Variants in PDE4D observed in about 807,000 individuals in gnomAD.
PDE4D encodes the protein phosphodiesterase 4D.
A neutral mutation model predicts 87.4 loss-of-function variants in PDE4D; 24 were observed. That is an observed-to-expected ratio of 0.27 (90% CI 0.20 to 0.39). The LOEUF (loss-of-function observed/expected upper bound fraction) is 0.39, where lower values mean the gene tolerates loss of function less well. PDE4D is among the 10% of genes least tolerant of loss of function. The pLI is 1.00. For synonymous variants in PDE4D, 384 were observed against 383.2 expected, an observed-to-expected ratio of 1.00 and a Z score of -0.02; for missense variants, 714 against 1,041.0, an observed-to-expected ratio of 0.69 and a Z score of 4.32.
chr5:59,654,196 C>T (rs1743992454), intron 1 of PDE4D, among the ~76,000 whole-genome samples: 1 of 150,780 alleles, frequency 6.6e-6, no homozygotes, highest in Admixed American at 6.6e-5. Flanking sequence ...CAGAGCCAGA[C>T]CAAGTCTCAA....
intron 1 of PDE4D, among the ~76,000 whole-genome samples, chr5:59,421,908 C>G (rs1382451867): frequency 6.6e-6 from 1 of 151,914 alleles, no homozygotes; most frequent in Non-Finnish European, 1.5e-5. Flanking sequence ...TATTATGTAC[C>G]AGGACCCAGA....
intron 1 of PDE4D, among the ~76,000 whole-genome samples, chr5:60,327,304 A>G (rs1329675760): frequency 2.6e-5 from 4 of 152,226 alleles, no homozygotes; most frequent in African/African-American, 4.8e-5. Flanking sequence ...AGGAAGATCA[A>G]TAAGAATATT....
rs116352278 is a variant in PDE4D at position 59,530,730 on chromosome 5, A to C, written c.456-314762T>G. 5.4e-3 allele frequency among the ~76,000 whole-genome samples: 817 copies of C among 152,250 alleles called. 9 individuals are homozygous for C. Among genetic ancestry groups the C allele is most frequent in the African/African-American group, 0.018 (753 of 41,558 alleles). On this transcript the variant is annotated intron_variant, in intron 1 of 14. Coordinates refer to ENST00000340635, the MANE Select transcript of PDE4D (RefSeq NM_001104631.2). ...TGATGGTGAATTTCACATAGAATTA[A>C]CTCTCATTTTGTTTTTATTTATTTA...
chr5:59,919,716 G>A (rs1000663441), intron 3 of PDE4D, among the ~76,000 whole-genome samples: 4 of 151,834 alleles, frequency 2.6e-5, no homozygotes, highest in African/African-American at 4.8e-5. Context: ...ATTTTTCTTC[G>A]GCCCTCAGGT....
At chr5:59,036,722 C>T (rs1026898460) in intron 6 of PDE4D, among the ~76,000 whole-genome samples, 2 of 152,036 alleles carry the variant, frequency 1.3e-5, no homozygotes, top group Non-Finnish European at 2.9e-5. Context: ...AAAGAAGACA[C>T]GAATGGCTTG....
At chr5:59,402,465 C>T (rs1487378598) in intron 1 of PDE4D, among the ~76,000 whole-genome samples, 1 of 152,126 alleles carries the variant, frequency 6.6e-6, no homozygotes, top group Non-Finnish European at 1.5e-5. Flanking sequence ...TCAGGGGTAG[C>T]CAGTCACACT....
chr5:59,437,024 C>T (rs12518641), intron 1 of PDE4D, among the ~76,000 whole-genome samples: 53,926 of 151,964 alleles, frequency 0.35, 10,196 homozygotes, highest in African/African-American at 0.47. Flanking sequence ...GGAAATTATG[C>T]TGGTTTCAAT....
chr5:59,709,531 A>C (rs1753908971), intron 1 of PDE4D, among the ~76,000 whole-genome samples: 1 of 152,196 alleles, frequency 6.6e-6, no homozygotes, highest in South Asian at 2.1e-4. Context: ...AGCAAGAAAC[A>C]GAAGTTACAG....
chr5:59,755,693 C>T (rs1477950112), intron 1 of PDE4D, among the ~76,000 whole-genome samples: 4 of 151,862 alleles, frequency 2.6e-5, no homozygotes, highest in Non-Finnish European at 5.9e-5. Flanking sequence ...TAAAAAAAAT[C>T]ACACTGCACA....
At chr5:59,451,378 A>T (rs886526325) in intron 1 of PDE4D, among the ~76,000 whole-genome samples, 1 of 152,100 alleles carries the variant, frequency 6.6e-6, no homozygotes, top group African/African-American at 2.4e-5. Context: ...TTCTATGACC[A>T]TCTGTAGATG....
At chr5:58,987,982 T>A (rs1465845322) in intron 11 of PDE4D, among the ~76,000 whole-genome samples, 2 of 152,144 alleles carry the variant, frequency 1.3e-5, no homozygotes, top group Non-Finnish European at 2.9e-5. Flanking sequence ...TAAGGTGAGA[T>A]GTTAACAGTG....
intron 1 of PDE4D, among the ~76,000 whole-genome samples, chr5:60,275,247 A>G (rs1007833795): frequency 5.9e-5 from 9 of 152,186 alleles, no homozygotes; most frequent in Admixed American, 2.0e-4. Flanking sequence ...AACCACTGGT[A>G]AAAATATTTT....
intron 5 of PDE4D, among the ~76,000 whole-genome samples, chr5:59,062,311 A>G (rs569983336): frequency 6.6e-6 from 1 of 152,216 alleles, no homozygotes; most frequent in African/African-American, 2.4e-5. Flanking sequence ...TCTCCCATAC[A>G]TTGGCATATT....
chr5:59,801,090 C>T (rs1767073998), intron 1 of PDE4D, among the ~76,000 whole-genome samples: 1 of 152,118 alleles, frequency 6.6e-6, no homozygotes, highest in Non-Finnish European at 1.5e-5. Context: ...TATCCTGCCC[C>T]TATACACGCA....
chr5:58,998,204 C>T (rs1258738581), intron 6 of PDE4D, among the ~76,000 whole-genome samples: 1 of 152,000 alleles, frequency 6.6e-6, no homozygotes, highest in Non-Finnish European at 1.5e-5. Flanking sequence ...CAGTATTAAA[C>T]ATAAAGCTGT....
At chr5:59,944,270 C>G (rs1757494158) in intron 3 of PDE4D, among the ~76,000 whole-genome samples, 1 of 151,740 alleles carries the variant, frequency 6.6e-6, no homozygotes, top group South Asian at 2.1e-4. Flanking sequence ...CTATTTATTC[C>G]AGCTTTTGAT....
intron 1 of PDE4D, among the ~76,000 whole-genome samples, chr5:59,625,716 T>C (rs1159985011): frequency 2.6e-5 from 4 of 152,216 alleles, no homozygotes; most frequent in Non-Finnish European, 5.9e-5. Context: ...AGAAAACATA[T>C]GCTTTATTAA....
At chr5:60,089,483 T>A (rs1223975080) in intron 2 of PDE4D, among the ~76,000 whole-genome samples, 1 of 151,954 alleles carries the variant, frequency 6.6e-6, no homozygotes, top group Non-Finnish European at 1.5e-5. Flanking sequence ...TTAAAAAATT[T>A]TCTTAGGACA....
At chr5:59,334,939 T>C (rs907950437) in intron 1 of PDE4D, among the ~76,000 whole-genome samples, 1 of 151,250 alleles carries the variant, frequency 6.6e-6, no homozygotes, top group African/African-American at 2.5e-5. Context: ...CTGAAACCCA[T>C]TTGCCTCTGC....
Sources: gnomAD v4.1 joint callset for allele counts (sites outside exome capture counted in the v4.1 genomes callset) on GRCh38, gnomAD v4.1.1 for gene constraint, MANE v1.5 for transcripts, NCBI Gene and HGNC (gene_info 2026-07-23, HGNC 2026-07-21) for gene names.